WDR70: variants seen among roughly 807,000 people sequenced by gnomAD.
WDR70 encodes WD repeat domain 70, also known as WD repeat-containing protein 70.
In WDR70, 53 loss-of-function variants were observed where a neutral mutation model predicts 88.6. The ratio of observed to expected loss-of-function variants is 0.60; its 90% CI spans 0.48 to 0.75. The LOEUF is 0.75. WDR70 is among the 30% of genes least tolerant of loss of function. WDR70 has a pLI of 0.00. For missense variants in WDR70, 610 were observed against 823.2 expected, an observed-to-expected ratio of 0.74 and a Z score of 3.17; for synonymous variants, 280 against 270.0, an observed-to-expected ratio of 1.04 and a Z score of -0.36.
chr5:37,676,825 C>G (rs1427254318), intron 10 of WDR70, among the ~76,000 whole-genome samples: 10 of 152,128 alleles, frequency 6.6e-5, no homozygotes, highest in Non-Finnish European at 1.0e-4. Context: ...GTTCCTCCTT[C>G]TACCTCTGGT....
At chr5:37,689,012 A>G (rs1746696610) in intron 10 of WDR70, among the ~76,000 whole-genome samples, 1 of 152,222 alleles carries the variant, frequency 6.6e-6, no homozygotes, top group Admixed American at 6.5e-5. Context: ...GGTCTTAGCA[A>G]CCGGCAGATA....
chr5:37,481,185 T>C (rs1324652891), intron 8 of WDR70, among the ~76,000 whole-genome samples: 1 of 152,172 alleles, frequency 6.6e-6, no homozygotes, highest in African/African-American at 2.4e-5. Context: ...GTGCAAGCAG[T>C]CAGTGGATCT....
At chr5:37,634,077 A>T (rs2112529461) in intron 10 of WDR70, among the ~76,000 whole-genome samples, 1 of 152,140 alleles carries the variant, frequency 6.6e-6, no homozygotes, top group South Asian at 2.1e-4. Flanking sequence ...TGGTGAGCGC[A>T]TCACGAGGTC....
chr5:37,507,505 C>T (rs1323723640), intron 8 of WDR70, among the ~76,000 whole-genome samples: 1 of 152,086 alleles, frequency 6.6e-6, no homozygotes, highest in African/African-American at 2.4e-5. Context: ...TCTTTATCTT[C>T]CCCCCTCCCC....
At chr5:37,448,301 G>A (rs1738563992) in intron 7 of WDR70, among the ~76,000 whole-genome samples, 1 of 152,192 alleles carries the variant, frequency 6.6e-6, no homozygotes, top group South Asian at 2.1e-4. Flanking sequence ...ACATGATGTA[G>A]GCTTCCTGTT....
At chr5:37,462,790 C>G (rs1739046720) in intron 7 of WDR70, among the ~76,000 whole-genome samples, 1 of 151,730 alleles carries the variant, frequency 6.6e-6, no homozygotes, top group African/African-American at 2.4e-5. Flanking sequence ...AGTTACTGTA[C>G]TAGGTGTCTT....
chr5:37,392,196 AT>A, intron 4 of WDR70, 76 bp downstream of exon 4: 6 of 1,308,394 alleles, frequency 4.6e-6, no homozygotes, highest in African/African-American at 1.7e-5. Context: ...TTTTTTTTTA[AT>A]TTTTTTGAGA....
At chr5:37,604,570 A>G (rs1023946697) in intron 9 of WDR70, among the ~76,000 whole-genome samples, 6 of 152,178 alleles carry the variant, frequency 3.9e-5, no homozygotes, top group Non-Finnish European at 8.8e-5. Flanking sequence ...GTGTATTTCT[A>G]CTTCTCCCCT....
chr5:37,430,391 G>A (rs958851830), intron 5 of WDR70, among the ~76,000 whole-genome samples: 2 of 152,172 alleles, frequency 1.3e-5, no homozygotes, highest in African/African-American at 4.8e-5. Context: ...GCAGCACTGG[G>A]TGTCAATTAA....
chr5:37,623,077 T>C (rs947634209), intron 10 of WDR70, among the ~76,000 whole-genome samples: 1 of 152,178 alleles, frequency 6.6e-6, no homozygotes, highest in Non-Finnish European at 1.5e-5. Context: ...GCAAAAGTTA[T>C]GGCGGTATTA....
At chr5:37,665,895 C>T (rs577739975) in intron 10 of WDR70, among the ~76,000 whole-genome samples, 1 of 152,204 alleles carries the variant, frequency 6.6e-6, no homozygotes, top group Non-Finnish European at 1.5e-5. Context: ...ACTGGGCCCG[C>T]CACCCTCTCC....
chr5:37,686,242 G>T (rs1746594040), intron 10 of WDR70, among the ~76,000 whole-genome samples: 1 of 151,638 alleles, frequency 6.6e-6, no homozygotes, highest in Non-Finnish European at 1.5e-5. Flanking sequence ...TTGAGCCTGG[G>T]AGGTTGAGGC....
chr5:37,663,325 T>C (rs1291333802), intron 10 of WDR70, among the ~76,000 whole-genome samples: 1 of 152,170 alleles, frequency 6.6e-6, no homozygotes, highest in Non-Finnish European at 1.5e-5. Context: ...AAAGGATTAT[T>C]TGATTTCTGT....
chr5:37,735,215 A>C (rs1581536532), intron 17 of WDR70, among the ~76,000 whole-genome samples: 1 of 152,070 alleles, frequency 6.6e-6, no homozygotes, highest in Non-Finnish European at 1.5e-5. Flanking sequence ...CAGATTTTCA[A>C]CTTTCTTTAA....
intron 7 of WDR70, among the ~76,000 whole-genome samples, chr5:37,471,021 C>A (rs1235827874): frequency 6.6e-6 from 1 of 151,962 alleles, no homozygotes; most frequent in Non-Finnish European, 1.5e-5. Context: ...GTAGCTGGGA[C>A]TACAGGCATG....
chr5:37,691,234 A>T (rs562648218), intron 10 of WDR70, among the ~76,000 whole-genome samples: 1 of 152,228 alleles, frequency 6.6e-6, no homozygotes, highest in African/African-American at 2.4e-5. Flanking sequence ...TTAGAGACCT[A>T]CAGATACTTA....
At chr5:37,477,393 A>G (rs968807575) in intron 7 of WDR70, among the ~76,000 whole-genome samples, 5 of 152,058 alleles carry the variant, frequency 3.3e-5, no homozygotes, top group Admixed American at 6.5e-5. Context: ...TCCTAGCTTT[A>G]TTTCCCCCAC....
chr5:37,605,017 CT>C, intron 9 of WDR70, 46 bp from the exon 10 acceptor site: 1 of 1,454,968 alleles, frequency 6.9e-7, no homozygotes, highest in Non-Finnish European at 9.1e-7. Flanking sequence ...CTCCCCCCTC[CT>C]TCTTTTTTTT....
intron 13 of WDR70, among the ~76,000 whole-genome samples, chr5:37,709,826 A>G (rs1269875304): frequency 6.6e-6 from 1 of 150,624 alleles, no homozygotes; most frequent in Non-Finnish European, 1.5e-5. Context: ...AATTTGGACT[A>G]CAAGACCACC....
Sources: gnomAD v4.1 joint callset for allele counts (sites outside exome capture counted in the v4.1 genomes callset) on GRCh38, gnomAD v4.1.1 for gene constraint, MANE v1.5 for transcripts, NCBI Gene and HGNC (gene_info 2026-07-23, HGNC 2026-07-21) for gene names.